Variants in NCL observed in about 807,000 individuals in gnomAD.
The protein encoded by NCL is nucleolin multifunctional protein.
NCL carries 4 observed loss-of-function variants against 77.7 expected under a neutral mutation model. That is an observed-to-expected ratio of 0.05 (90% CI 0.03 to 0.12). NCL has a LOEUF of 0.12. NCL is among the 10% of genes least tolerant of loss of function. The probability of loss-of-function intolerance (pLI) is 1.00; values close to 1 mark genes in which losing one functional copy is unlikely to be tolerated. For missense variants in NCL, 763 were observed against 860.9 expected (o/e 0.89, Z 1.42); for synonymous variants, 344 against 297.8 (o/e 1.16, Z -1.60).
chr2:231,464,234 G>A, intron 1 of NCL, 102 bp downstream of exon 1: 1 of 1,506,686 alleles, frequency 6.6e-7, no homozygotes, highest in Non-Finnish European at 9.0e-7. Context: ...TGGCGCCCTA[G>A]AACGCGCCCG....
chr2:231,461,673 G>T lies in NCL; in HGVS notation c.480C>A (p.Asp160Glu). ...DDDSEEDEED[D>E]EDEDEDEDEI... ...CATCTTCATCCTCATCCTCGTCCTC[G>T]TCATCCTCCTCATCCTCCTCACTGT... is the stretch of plus-strand genomic sequence containing the variant. Residue 160 changes from aspartate (D) to glutamate (E), a missense_variant, in exon 3 of 14, where the codon GAC becomes GAA. This residue lies in a region of NCL where 590 missense variants were observed against 570.5 expected (regional missense o/e 1.03). Coordinates refer to ENST00000322723, the MANE Select transcript of NCL (RefSeq NM_005381.3). 1 of 1,611,546 alleles carries T rather than the reference G, an allele frequency of 6.2e-7. No homozygotes were observed. Among genetic ancestry groups the T allele is most frequent in the Non-Finnish European group, 8.5e-7 (1 of 1,177,764 alleles).
chr2:231,455,844 G>A, intron 12 of NCL, 166 bp downstream of exon 12: 1 of 1,274,742 alleles, frequency 7.8e-7, no homozygotes, highest in Non-Finnish European at 1.1e-6. Context: ...AAAGACAGAA[G>A]GTAAAATAAT....
intron 7 of NCL, 124 bp downstream of exon 7, chr2:231,458,877 G>A (rs1191051990): frequency 9.1e-7 from 1 of 1,094,006 alleles, no homozygotes; most frequent in Non-Finnish European, 1.2e-6. Flanking sequence ...CACATTAAGA[G>A]GAAACCAAAG....
intron 8 of NCL, 150 bp from the exon 9 acceptor site, chr2:231,457,950 T>TC: frequency 1.3e-6 from 1 of 791,642 alleles, no homozygotes; most frequent in Non-Finnish European, 1.8e-6. Context: ...GCTTCCCTCT[T>TC]ACTTCCCACT....
intron 1 of NCL, chr2:231,464,131 C>G: frequency 7.2e-7 from 1 of 1,383,054 alleles, no homozygotes; most frequent in Non-Finnish European, 9.4e-7. Context: ...CCGCGTTCGC[C>G]GCCCCCAGCA....
intron 9 of NCL, 114 bp from the exon 10 acceptor site, chr2:231,457,238 C>T: frequency 1.4e-6 from 2 of 1,425,502 alleles, no homozygotes; most frequent in African/African-American, 1.4e-5. Flanking sequence ...TATACAAATA[C>T]TCATGACGTA....
At chr2:231,460,422 G>A (rs779589079) in intron 5 of NCL, 56 bp downstream of exon 5, 11 of 1,588,282 alleles carry the variant, frequency 6.9e-6, no homozygotes, top group Non-Finnish European at 9.5e-6. Flanking sequence ...AAGTCCCTTT[G>A]TTATTCATCA....
intron 11 of NCL, 164 bp downstream of exon 11, chr2:231,456,467 G>A (rs1298625397): frequency 7.9e-7 from 1 of 1,262,804 alleles, no homozygotes; most frequent in Non-Finnish European, 1.2e-6. Flanking sequence ...TGACTATCTA[G>A]AGGAATTTTC....
Position 231,464,405 on chromosome 2 carries a change from G to A in NCL, c.-52C>T, listed in dbSNP as rs1169967517. 1.3e-6 allele frequency: 2 copies of A among 1,584,712 alleles called. No individual in the cohort carries two copies. Among genetic ancestry groups the A allele is most frequent in the Non-Finnish European group, 1.7e-6 (2 of 1,164,164 alleles). On this transcript the variant is annotated 5_prime_UTR_variant, in exon 1 of 14. Transcript: ENST00000322723. ...AGTGGCGCAGATGAGTCCAGAAGAA[G>A]CCAAGCGACGGCGATGGCGGCCGCG...
intron 6 of NCL, 142 bp downstream of exon 6, chr2:231,460,010 C>T: frequency 2.0e-6 from 2 of 987,182 alleles, no homozygotes; most frequent in Non-Finnish European, 1.5e-6. Context: ...CAGTTTAATT[C>T]TAACTTAGTT....
At position 231,461,857 on chromosome 2, in the gene NCL, G is replaced by T. The variant is rs779026377; in HGVS notation, c.296C>A (p.Thr99Lys). Residue 99 changes from threonine to lysine, a missense_variant, in exon 3 of 14, where the codon ACA (threonine) becomes AAA (lysine). Coordinates refer to ENST00000322723, the MANE Select transcript of NCL (RefSeq NM_005381.3). ...AGGTGTGGTAACTGCTTTGGCTGGT[G>T]TAACTGTCTTCTTGGCAGGTGTTGC... ...AAATPAKKTV[T>K]PAKAVTTPGK... 5.0e-6 allele frequency: 8 copies of T among 1,614,116 alleles called. No individual in the cohort carries two copies. The highest frequency in any genetic ancestry group is 2.7e-5 in the African/African-American group (2 of 74,944).
At position 231,461,768 on chromosome 2, in the gene NCL, T is replaced by G. The variant is rs547844005; in HGVS notation, c.385A>C (p.Ile129Leu). Residue 129 changes from isoleucine to leucine, a missense_variant, in exon 3 of 14, where the codon ATC becomes CTC. By Grantham distance (5) the Ile-to-Leu change is conservative. This residue lies in a region of NCL where 590 missense variants were observed against 570.5 expected (regional missense o/e 1.03). Coordinates refer to ENST00000322723, the MANE Select transcript of NCL (RefSeq NM_005381.3). ...CCATTCTTTGCCCCCTTGGCTGGGA[T>G]GGCAGCACCCTTCTTACCAGGAGTT... ...VATPGKKGAA[I>L]PAKGAKNGKN... 1.2e-5 allele frequency: 19 copies of G among 1,614,240 alleles called. No individual in the cohort carries two copies. The South Asian group carries it at 2.0e-4, about 17-fold the overall frequency.
At chr2:231,455,721 C>CCTTGTTTATTTGGGAAA in intron 12 of NCL, 97 bp from the exon 13 acceptor site, 2 of 1,411,804 alleles carry the variant, frequency 1.4e-6, no homozygotes, top group Non-Finnish European at 2.0e-6. Context: ...CAGAAAGTAG[C>CCTTGTTTATTTGGGAAA]CTTGTTTATT....
At chr2:231,461,255 G>C (rs769439679) in intron 3 of NCL, among the ~76,000 whole-genome samples, 1 of 149,348 alleles carries the variant, frequency 6.7e-6, no homozygotes, top group Admixed American at 6.7e-5. Context: ...TCCAGCCTGG[G>C]AAACAGCAAA....
At chr2:231,455,330 T>G in intron 13 of NCL, 63 bp from the exon 14 acceptor site, 1 of 1,613,240 alleles carries the variant, frequency 6.2e-7, no homozygotes, top group Non-Finnish European at 8.5e-7. Context: ...CCCCAGTGAT[T>G]AGGAACCGTG....
chr2:231,460,976 T>C (rs1246608019), intron 3 of NCL, 110 bp from the exon 4 acceptor site: 4 of 943,602 alleles, frequency 4.2e-6, no homozygotes, highest in African/African-American at 1.6e-5. Flanking sequence ...TTAACAGTCA[T>C]GGCAAGAATA....
intron 8 of NCL, 39 bp from the exon 9 acceptor site, chr2:231,457,839 A>ATATT (rs2046906369): frequency 6.5e-7 from 1 of 1,543,396 alleles, no homozygotes; most frequent in Non-Finnish European, 8.8e-7. Context: ...TTTTAAAACC[A>ATATT]TATTAACACA....
At chr2:231,459,935 CTAAAAAT>C (rs1166325945) in intron 6 of NCL, among the ~76,000 whole-genome samples, 4 of 151,890 alleles carry the variant, frequency 2.6e-5, no homozygotes, top group Non-Finnish European at 5.9e-5. Context: ...AAAAAACTTA[CTAAAAAT>C]TATTCTGTGC....
Position 231,457,781 on chromosome 2 carries a change from T to G in NCL, c.1309A>C (p.Lys437Gln), listed in dbSNP as rs772081022. 6.2e-7 allele frequency: 1 copy of G among 1,609,968 alleles called. No individual in the cohort carries two copies. The highest frequency in any genetic ancestry group is 1.7e-5 in the Admixed American group (1 of 59,458). Residue 437 changes from lysine (K) to glutamine (Q), a missense_variant, in exon 9 of 14, where the codon AAG (lysine) becomes CAG (glutamine). Coordinates refer to ENST00000322723, the MANE Select transcript of NCL (RefSeq NM_005381.3). The part of the protein sequence containing the change: ...KSKGIAYIEF[K>Q]TEADAEKTFE... ...GTTTTCTCTGCATCAGCTTCTGTCT[T>G]AAATTCAATATAAGCAATCCTGCAA...
Sources: gnomAD v4.1 joint callset for allele counts (sites outside exome capture counted in the v4.1 genomes callset) on GRCh38, gnomAD v4.1.1 for gene constraint, gnomAD v4.1.1 regional missense constraint, MANE v1.5 for transcripts, NCBI Gene and HGNC (gene_info 2026-07-23, HGNC 2026-07-21) for gene names.